Variants in TTC3 observed in about 807,000 individuals in gnomAD.
The protein encoded by TTC3 is E3 ubiquitin-protein ligase TTC3.
A neutral mutation model predicts 249.6 loss-of-function variants in TTC3; 180 were observed. The ratio of observed to expected loss-of-function variants is 0.72; its 90% CI spans 0.64 to 0.82. The LOEUF (loss-of-function observed/expected upper bound fraction) is 0.82, where lower values mean the gene tolerates loss of function less well. TTC3 is among the 40% of genes least tolerant of loss of function. The probability of loss-of-function intolerance (pLI) is 0.00; values close to 1 mark genes in which losing one functional copy is unlikely to be tolerated. For synonymous variants in TTC3, 717 were observed against 805.0 expected, an observed-to-expected ratio of 0.89 and a Z score of 1.85; for missense variants, 2,061 against 2,398.4, an observed-to-expected ratio of 0.86 and a Z score of 2.94.
At chr21:37,150,287 T>G in intron 24 of TTC3, 117 bp downstream of exon 24, 1 of 732,972 alleles carries the variant, frequency 1.4e-6, no homozygotes, top group Non-Finnish European at 2.3e-6. Context: ...AAAGAAACAA[T>G]TACTTCATTT....
chr21:37,102,402 C>T (rs2147764772), intron 10 of TTC3, among the ~76,000 whole-genome samples: 1 of 152,256 alleles, frequency 6.6e-6, no homozygotes, highest in East Asian at 1.9e-4. Flanking sequence ...TTAAGAGAGT[C>T]AATAAATAGC....
At chr21:37,198,496 G>C (rs2085158111) in intron 44 of TTC3, among the ~76,000 whole-genome samples, 1 of 152,134 alleles carries the variant, frequency 6.6e-6, no homozygotes. Context: ...TGGAGAAGAG[G>C]GTTCTGTTTT....
chr21:37,170,289 T>A (rs2148099826), intron 34 of TTC3, among the ~76,000 whole-genome samples: 1 of 152,228 alleles, frequency 6.6e-6, no homozygotes, highest in East Asian at 1.9e-4. Flanking sequence ...AAGGAAAAGA[T>A]CAACAATCTG....
exon 19 of TTC3, chr21:37,138,683 C>T: frequency 6.2e-7 from 1 of 1,612,022 alleles, no homozygotes; most frequent in Non-Finnish European, 8.5e-7. Context: ...TATGGACTTG[C>T]CATTTCTCTC....
intron 39 of TTC3, among the ~76,000 whole-genome samples, chr21:37,189,572 G>C (rs1362310374): frequency 6.6e-6 from 1 of 151,486 alleles, no homozygotes; most frequent in Non-Finnish European, 1.5e-5. Context: ...TTTTGAGATG[G>C]AGTCTCGCTC....
intron 11 of TTC3, among the ~76,000 whole-genome samples, chr21:37,108,812 A>G (rs1286262237): frequency 6.6e-6 from 1 of 152,182 alleles, no homozygotes; most frequent in Non-Finnish European, 1.5e-5. Flanking sequence ...ACAGTGCACA[A>G]ATCAGCAGTG....
intron 1 of TTC3, among the ~76,000 whole-genome samples, chr21:37,084,986 G>A (rs1309693317): frequency 1.6e-5 from 2 of 124,966 alleles, no homozygotes; most frequent in East Asian, 2.2e-4. Context: ...GAGTGAGACT[G>A]TGTCTCAAAC....
chr21:37,180,646 A>G (rs2082671972), intron 35 of TTC3, among the ~76,000 whole-genome samples: 1 of 147,354 alleles, frequency 6.8e-6, no homozygotes, highest in Non-Finnish European at 1.5e-5. Flanking sequence ...GCATTGGGAG[A>G]TATACCTAAT....
intron 1 of TTC3, chr21:37,086,966 G>A: frequency 3.2e-6 from 1 of 316,448 alleles, no homozygotes; most frequent in Non-Finnish European, 5.8e-6. Flanking sequence ...TGCCCTTGAT[G>A]ATCCTCTATT....
intron 20 of TTC3, among the ~76,000 whole-genome samples, chr21:37,141,439 C>G (rs1231831985): frequency 6.6e-6 from 1 of 150,762 alleles, no homozygotes; most frequent in Non-Finnish European, 1.5e-5. Flanking sequence ...TTAGAATGTG[C>G]CTAGAACCTC....
chr21:37,113,439 C>T (rs1471650721), intron 11 of TTC3, among the ~76,000 whole-genome samples: 1 of 152,124 alleles, frequency 6.6e-6, no homozygotes, highest in Non-Finnish European at 1.5e-5. Context: ...TTCGCTATTG[C>T]TTCAAAGAGA....
intron 36 of TTC3, among the ~76,000 whole-genome samples, chr21:37,184,260 A>G (rs1321127765): frequency 1.3e-5 from 2 of 152,232 alleles, no homozygotes; most frequent in African/African-American, 4.8e-5. Flanking sequence ...TTTTTGTTCA[A>G]TTCAGACATA....
intron 23 of TTC3, 53 bp downstream of exon 23, chr21:37,148,700 T>C: frequency 8.1e-7 from 1 of 1,232,080 alleles, no homozygotes; most frequent in Admixed American, 2.6e-5. Flanking sequence ...TGTATGTCAA[T>C]TTTTCCCCCA....
chr21:37,131,009 C>G (rs1295292287), intron 16 of TTC3, among the ~76,000 whole-genome samples: 1 of 152,148 alleles, frequency 6.6e-6, no homozygotes, highest in Non-Finnish European at 1.5e-5. Flanking sequence ...GCACTGTTCA[C>G]ACTCCGACTA....
chr21:37,193,219 C>G (rs2084404891), intron 41 of TTC3, among the ~76,000 whole-genome samples: 1 of 49,558 alleles, frequency 2.0e-5, no homozygotes, highest in South Asian at 1.0e-3. Context: ...ATCCTGCCTT[C>G]CCCTGAAACC....
intron 35 of TTC3, among the ~76,000 whole-genome samples, chr21:37,177,976 TTC>T (rs755724086): frequency 1.3e-5 from 2 of 152,192 alleles, no homozygotes; most frequent in Non-Finnish European, 2.9e-5. Flanking sequence ...TCACTCCCCA[TTC>T]TCTCCTGTAT....
intron 39 of TTC3, among the ~76,000 whole-genome samples, chr21:37,190,130 CTTTTTTTTTTTTTTTTTTTT>C (rs138862573): frequency 3.1e-5 from 2 of 65,024 alleles, no homozygotes; most frequent in East Asian, 5.8e-4. Context: ...CTTTTTCTTT[CTTTTTTTTTTTTTTTTTTTT>C]TTTTTTTTTG....
chr21:37,138,604 G>A, intron 18 of TTC3, 30 bp from the exon 19 acceptor site: 1 of 1,570,866 alleles, frequency 6.4e-7, no homozygotes, highest in South Asian at 1.1e-5. Flanking sequence ...ATTATATTCA[G>A]ATTTTTAACT....
At chr21:37,165,813 A>G (rs776098525) in exon 33 of TTC3, 18 of 1,614,070 alleles carry the variant, frequency 1.1e-5, no homozygotes, top group South Asian at 6.6e-5. Context: ...GCAGGGGAGT[A>G]TGTACGAGTT....
Sources: gnomAD v4.1 joint callset for allele counts (sites outside exome capture counted in the v4.1 genomes callset) on GRCh38, gnomAD v4.1.1 for gene constraint, MANE v1.5 for transcripts, NCBI Gene and HGNC (gene_info 2026-07-23, HGNC 2026-07-21) for gene names.